Variants in ATP8A1 observed in about 807,000 individuals in gnomAD.
ATP8A1 encodes phospholipid-transporting ATPase IA.
Under a neutral mutation model 177.7 loss-of-function variants are expected in ATP8A1, and 90 were observed. The ratio of observed to expected loss-of-function variants is 0.51; its 90% CI spans 0.43 to 0.60. The LOEUF is 0.60. ATP8A1 is among the 20% of genes least tolerant of loss of function. The probability of loss-of-function intolerance (pLI) is 0.00; values close to 1 mark genes in which losing one functional copy is unlikely to be tolerated. For missense variants in ATP8A1, 1,072 were observed against 1,392.8 expected, an observed-to-expected ratio of 0.77 and a Z score of 3.67; for synonymous variants, 493 against 485.9, an observed-to-expected ratio of 1.01 and a Z score of -0.19.
At chr4:42,607,107 T>G (rs1735872412) in intron 5 of ATP8A1, among the ~76,000 whole-genome samples, 1 of 152,192 alleles carries the variant, frequency 6.6e-6, no homozygotes, top group African/African-American at 2.4e-5. Flanking sequence ...TTACAGAACC[T>G]TGCTGTTCAA....
chr4:42,589,829 A>G (rs1010902648), intron 7 of ATP8A1, among the ~76,000 whole-genome samples: 3 of 146,822 alleles, frequency 2.0e-5, no homozygotes, highest in South Asian at 4.4e-4. Flanking sequence ...TATTCTGACA[A>G]TTAGAATAAT....
At chr4:42,541,778 T>C (rs745726640) in intron 20 of ATP8A1, among the ~76,000 whole-genome samples, 1 of 152,168 alleles carries the variant, frequency 6.6e-6, no homozygotes, top group Non-Finnish European at 1.5e-5. Context: ...AAAGGCTATA[T>C]ACCATATCAT....
intron 24 of ATP8A1, among the ~76,000 whole-genome samples, chr4:42,497,869 T>C (rs1456357232): frequency 6.6e-6 from 1 of 152,242 alleles, no homozygotes; most frequent in African/African-American, 2.4e-5. Flanking sequence ...GAGAGCTACT[T>C]GGAGTAAGCA....
rs1050902736 is a variant in ATP8A1, at chr4:42,555,780, C to T, written c.1413+188G>A. Among the ~76,000 whole-genome samples the T allele has an allele frequency of 7.9e-5, 12 of 152,038 alleles. No homozygotes were observed. In the South Asian group the frequency reaches 1.0e-3, roughly 13 times the overall value. ...CAGAGGTTGCAGTGAGCCAAAATCA[C>T]GCCATTGCACTCCAGCCCCAGCGAC... On this transcript the variant is annotated intron_variant, in intron 16 of 36. Coordinates refer to ENST00000381668, the MANE Select transcript of ATP8A1 (RefSeq NM_006095.2).
chr4:42,464,027 T>C (rs1719458023), intron 27 of ATP8A1, among the ~76,000 whole-genome samples: 1 of 152,148 alleles, frequency 6.6e-6, no homozygotes, highest in Non-Finnish European at 1.5e-5. Context: ...CTCACCTTTT[T>C]TAAAAAATAG....
In ATP8A1 at chr4:42,456,410, T is replaced by C. The variant is rs149284119; in HGVS notation, c.2620-811A>G. ...GGAATCTTAAATTTGAGTTTATATA[T>C]TAAAATATTTTAACTTAAATTTTAT... On this transcript the variant is annotated intron_variant, in intron 27 of 36. Coordinates refer to ENST00000381668, the MANE Select transcript of ATP8A1 (RefSeq NM_006095.2). Among the ~76,000 whole-genome samples, 109 of 152,264 alleles carry C rather than the reference T, an allele frequency of 7.2e-4. 1 individual carries two copies. Among genetic ancestry groups the C allele is most frequent in the Non-Finnish European group, 1.3e-3 (86 of 67,994 alleles).
Position 42,635,782 on chromosome 4 carries a change from C to CAT in ATP8A1, c.50-8675_50-8674dup, listed in dbSNP as rs764452182. 6.1e-3 allele frequency among the ~76,000 whole-genome samples: 315 copies of CAT among 51,972 alleles called. 7 individuals carry two copies. The highest frequency in any genetic ancestry group is 0.017 in the Admixed American group (80 of 4,780). 34.1% of individuals were successfully genotyped at this position (51,972 alleles called of 152,430 possible). On this transcript the variant is annotated intron_variant, in intron 1 of 36. Transcript: ENST00000381668. ...ACACACACACACACACACACACACA[C>CAT]ATATATATATATATATATATATATA...
At chr4:42,577,897 A>G (rs1245609043) in intron 12 of ATP8A1, among the ~76,000 whole-genome samples, 4 of 152,184 alleles carry the variant, frequency 2.6e-5, no homozygotes, top group Non-Finnish European at 5.9e-5. Context: ...GGTAAGGCAT[A>G]TTATCCCTAT....
chr4:42,571,019 A>G (rs1731848509), intron 14 of ATP8A1, among the ~76,000 whole-genome samples: 1 of 152,170 alleles, frequency 6.6e-6, no homozygotes, highest in South Asian at 2.1e-4. Context: ...TGCCTTTTTT[A>G]CCTGCATTAT....
At position 42,451,135 on chromosome 4, in the gene ATP8A1, T is replaced by C. The variant is rs549913228; in HGVS notation, c.2896+846A>G. Among the ~76,000 whole-genome samples the C allele has an allele frequency of 3.3e-5, 5 of 152,288 alleles. No individual in the cohort carries two copies. The South Asian group carries it at 1.0e-3, about 32-fold the overall frequency. ...TGAGGAGGGAAGCACCTGGCCTGATTCATGTTCTGCAGGGATCACTCTGGC... is the reference window on the plus strand; with the variant it reads ...TGAGGAGGGAAGCACCTGGCCTGATCCATGTTCTGCAGGGATCACTCTGGC... On this transcript the variant is annotated intron_variant, in intron 30 of 36. Transcript: ENST00000381668.
At chr4:42,448,144 T>G (rs577999286) in intron 30 of ATP8A1, among the ~76,000 whole-genome samples, 2 of 152,122 alleles carry the variant, frequency 1.3e-5, no homozygotes, top group Admixed American at 1.3e-4. Flanking sequence ...TTCTGAAAAG[T>G]ATTTTCCAAA....
chr4:42,558,726 A>G (rs1229464344), intron 15 of ATP8A1, among the ~76,000 whole-genome samples: 1 of 152,224 alleles, frequency 6.6e-6, no homozygotes, highest in East Asian at 1.9e-4. Flanking sequence ...AATAAACTCC[A>G]GATGGATCAA....
intron 20 of ATP8A1, among the ~76,000 whole-genome samples, chr4:42,529,484 C>T (rs1727041729): frequency 6.6e-6 from 1 of 152,194 alleles, no homozygotes. Context: ...AGCAGCACTG[C>T]ATCATCAAAT....
At chr4:42,415,864 C>A (rs984205827) in intron 35 of ATP8A1, among the ~76,000 whole-genome samples, 2 of 152,076 alleles carry the variant, frequency 1.3e-5, no homozygotes, top group African/African-American at 2.4e-5. Context: ...ATGAATTATG[C>A]AAACATTTAG....
intron 20 of ATP8A1, among the ~76,000 whole-genome samples, chr4:42,525,482 T>A (rs1021825866): frequency 6.6e-6 from 1 of 152,190 alleles, no homozygotes; most frequent in African/African-American, 2.4e-5. Flanking sequence ...TCGAAATGCC[T>A]TAAATAGCTG....
intron 20 of ATP8A1, among the ~76,000 whole-genome samples, chr4:42,537,922 T>C (rs1174977753): frequency 6.6e-6 from 1 of 152,142 alleles, no homozygotes; most frequent in Non-Finnish European, 1.5e-5. Context: ...AAATTTTGTA[T>C]GGAACCACAA....
chr4:42,569,876 T>C (rs1253022096), intron 14 of ATP8A1, among the ~76,000 whole-genome samples: 1 of 152,222 alleles, frequency 6.6e-6, no homozygotes, highest in African/African-American at 2.4e-5. Flanking sequence ...GAAAGTCTGA[T>C]AGATGTACTT....
intron 16 of ATP8A1, 43 bp downstream of exon 16, chr4:42,555,925 T>C (rs1461318105): frequency 8.0e-6 from 11 of 1,373,350 alleles, no homozygotes; most frequent in Non-Finnish European, 1.1e-5. Flanking sequence ...CATTCATTAG[T>C]TTTTATTCAC....
chr4:42,636,142 AC>A (rs1267246785), intron 1 of ATP8A1, among the ~76,000 whole-genome samples: 3,214 of 32,372 alleles, frequency 0.099, 157 homozygotes, highest in African/African-American at 0.21. Context: ...ACACACACAC[AC>A]ACACACACAC....
Sources: allele counts gnomAD v4.1 joint callset (sites outside exome capture counted in the v4.1 genomes callset), GRCh38; gene constraint gnomAD v4.1.1; transcripts MANE v1.5; gene names NCBI Gene and HGNC (gene_info 2026-07-23, HGNC 2026-07-21).